The following ADGRL3 variants were observed in gnomAD, a reference collection of about 807,000 sequenced individuals.
The protein encoded by ADGRL3 is adhesion G protein-coupled receptor L3, also known as calcium-independent alpha-latrotoxin receptor 3.
In ADGRL3, 62 loss-of-function variants were observed where a neutral mutation model predicts 153.5. That is an observed-to-expected ratio of 0.40 (90% CI 0.33 to 0.50). The LOEUF is 0.50. Among genes scored for constraint, ADGRL3 ranks in the 20% least tolerant of loss-of-function variants. ADGRL3 has a pLI of 0.47. For synonymous variants in ADGRL3, 710 were observed against 672.5 expected (o/e 1.06, Z -0.86); for missense variants, 1,641 against 1,859.4 (o/e 0.88, Z 2.16).
chr4:62,018,868 A>C lies in ADGRL3; in HGVS notation c.3396-9987A>C, dbSNP rs544578096. On this transcript the variant is annotated intron_variant, in intron 21 of 26. Coordinates refer to ENST00000683033, the MANE Select transcript of ADGRL3 (RefSeq NM_001387552.1). ...TTGATGTAAGCCAAAAGGAGATACC[A>C]TCCTGATATGCTCTATGAAAGGGAA... 1.4e-3 allele frequency among the ~76,000 whole-genome samples: 208 copies of C among 152,246 alleles called. 4 individuals carry two copies. The highest frequency in any genetic ancestry group is 1.3e-4 in the Non-Finnish European group (9 of 68,026).
At chr4:61,266,304 A>G (rs1039850842) in intron 1 of ADGRL3, among the ~76,000 whole-genome samples, 10 of 151,728 alleles carry the variant, frequency 6.6e-5, no homozygotes, top group Non-Finnish European at 1.3e-4. Context: ...GGCTTTTTCT[A>G]TGCCTTACTT....
intron 8 of ADGRL3, among the ~76,000 whole-genome samples, chr4:61,811,222 G>T (rs761027723): frequency 1.2e-4 from 19 of 152,122 alleles, no homozygotes; most frequent in Non-Finnish European, 2.4e-4. Flanking sequence ...AAGTGGAAAT[G>T]ATTCTAAATG....
At chr4:61,533,016 A>G (rs1003995397) in intron 4 of ADGRL3, among the ~76,000 whole-genome samples, 5 of 152,142 alleles carry the variant, frequency 3.3e-5, no homozygotes, top group Admixed American at 2.0e-4. Context: ...TTCCCAGGAC[A>G]AGGTGTAGTG....
intron 1 of ADGRL3, among the ~76,000 whole-genome samples, chr4:61,336,911 A>T (rs541483986): frequency 7.0e-6 from 1 of 143,682 alleles, no homozygotes; most frequent in Admixed American, 7.1e-5. Context: ...TAAAATAGGG[A>T]TGAAAATGCA....
At chr4:61,295,360 C>T (rs1318976690) in intron 1 of ADGRL3, among the ~76,000 whole-genome samples, 2 of 151,910 alleles carry the variant, frequency 1.3e-5, no homozygotes, top group Non-Finnish European at 2.9e-5. Context: ...ATAAATTTAC[C>T]TTTATCATAG....
In ADGRL3 at chr4:61,604,387, A is replaced by G. The variant is rs13123888; in HGVS notation, c.473+16947A>G. Among the ~76,000 whole-genome samples, 664 of 152,154 alleles carry G rather than the reference A, an allele frequency of 4.4e-3. 4 individuals are homozygous for G. The highest frequency in any genetic ancestry group is 0.015 in the African/African-American group (625 of 41,552). ...ATTTTGAAATTATTTAATTTCTGGT[A>G]TTATTGCTCTGGAATAAAATGCCTA... On this transcript the variant is annotated intron_variant, in intron 5 of 26. Transcript: ENST00000683033.
chr4:61,309,867 T>C (rs552036072), intron 1 of ADGRL3, among the ~76,000 whole-genome samples: 58 of 152,166 alleles, frequency 3.8e-4, no homozygotes, highest in Non-Finnish European at 6.0e-4. Flanking sequence ...GCCAAAGATA[T>C]TGAGGAAAGA....
chr4:61,848,900 G>T (rs946393734), intron 9 of ADGRL3, among the ~76,000 whole-genome samples: 2 of 152,218 alleles, frequency 1.3e-5, no homozygotes, highest in African/African-American at 4.8e-5. Context: ...CAAGTGTCTA[G>T]ATCATGACAG....
chr4:61,906,024 CTT>C (rs2098694062), intron 11 of ADGRL3, among the ~76,000 whole-genome samples: 1 of 151,356 alleles, frequency 6.6e-6, no homozygotes, highest in Admixed American at 6.6e-5. Context: ...AAGGATTTCT[CTT>C]TTGAGTCTCT....
chr4:61,748,027 A>T (rs2096693645), intron 8 of ADGRL3, among the ~76,000 whole-genome samples: 1 of 151,890 alleles, frequency 6.6e-6, no homozygotes, highest in East Asian at 2.0e-4. Context: ...ATACAAAATC[A>T]ATGTACAAAA....
chr4:61,606,148 C>T lies in ADGRL3; in HGVS notation c.473+18708C>T, dbSNP rs189904135. Among the ~76,000 whole-genome samples the T allele has an allele frequency of 1.3e-3, 194 of 152,130 alleles. 1 individual carries two copies. The highest frequency in any genetic ancestry group is 3.5e-3 in the South Asian group (17 of 4,820). On this transcript the variant is annotated intron_variant, in intron 5 of 26. Coordinates refer to ENST00000683033, the MANE Select transcript of ADGRL3 (RefSeq NM_001387552.1). ...ACATAAAAAAAAAGGGGTCACAGTG[C>T]ATTCTAGGCTAAGGCTTTACCATGG...
intron 13 of ADGRL3, among the ~76,000 whole-genome samples, chr4:61,930,557 A>G (rs1166929261): frequency 6.6e-6 from 1 of 152,218 alleles, no homozygotes; most frequent in Non-Finnish European, 1.5e-5. Context: ...TATAAAGTAT[A>G]TAACATCTTA....
intron 8 of ADGRL3, chr4:61,775,641 A>C (rs1406086610): frequency 4.1e-6 from 6 of 1,481,404 alleles, no homozygotes; most frequent in Non-Finnish European, 3.7e-6. Flanking sequence ...GGTGTTCAGC[A>C]CAAAGGGCCT....
intron 8 of ADGRL3, among the ~76,000 whole-genome samples, chr4:61,773,840 CAAA>C (rs1201775646): frequency 6.6e-6 from 1 of 151,612 alleles, no homozygotes; most frequent in Non-Finnish European, 1.5e-5. Flanking sequence ...AGCATCTAAA[CAAA>C]AAAACAACAG....
At chr4:61,771,027 CAA>C (rs1285105752) in intron 8 of ADGRL3, among the ~76,000 whole-genome samples, 8 of 151,676 alleles carry the variant, frequency 5.3e-5, no homozygotes, top group Admixed American at 5.2e-4. Context: ...AAGGTCTCAG[CAA>C]AAAACAAAAA....
At chr4:61,593,794 A>C (rs764048754) in intron 5 of ADGRL3, among the ~76,000 whole-genome samples, 1 of 151,962 alleles carries the variant, frequency 6.6e-6, no homozygotes, top group Non-Finnish European at 1.5e-5. Flanking sequence ...GTCTTCTTTG[A>C]GTTATATCTG....
At chr4:61,509,093 G>A (rs538822727) in intron 3 of ADGRL3, among the ~76,000 whole-genome samples, 1 of 151,352 alleles carries the variant, frequency 6.6e-6, no homozygotes, top group East Asian at 2.0e-4. Context: ...ACGAGATTTG[G>A]GTGAGGCCAC....
At chr4:62,062,766 G>A (rs996908403) in intron 25 of ADGRL3, among the ~76,000 whole-genome samples, 6 of 152,026 alleles carry the variant, frequency 3.9e-5, no homozygotes, top group African/African-American at 1.4e-4. Context: ...GTTGGAAAAT[G>A]GAAAACGGAA....
chr4:61,585,243 AGTGACCT>A (rs2098941640), intron 4 of ADGRL3, among the ~76,000 whole-genome samples: 1 of 152,056 alleles, frequency 6.6e-6, no homozygotes, highest in Non-Finnish European at 1.5e-5. Flanking sequence ...AATAACTTCA[AGTGACCT>A]GTTAACCTGC....
Sources: gnomAD v4.1 joint callset for allele counts (sites outside exome capture counted in the v4.1 genomes callset) on GRCh38, gnomAD v4.1.1 for gene constraint, MANE v1.5 for transcripts, NCBI Gene and HGNC (gene_info 2026-07-23, HGNC 2026-07-21) for gene names.